CLDN10: variants seen among roughly 807,000 people sequenced by gnomAD.
CLDN10 encodes the protein claudin-10.
Under a neutral mutation model 22.9 loss-of-function variants are expected in CLDN10, and 15 were observed. That is an observed-to-expected ratio of 0.65 (90% confidence interval 0.44 to 1.01). The LOEUF (loss-of-function observed/expected upper bound fraction) is 1.01. CLDN10 is among the 50% of genes least tolerant of loss of function. The probability of loss-of-function intolerance (pLI) is 0.00; values close to 1 mark genes in which losing one functional copy is unlikely to be tolerated. For missense variants in CLDN10, 247 were observed against 287.8 expected (o/e 0.86, Z 1.03); for synonymous variants, 114 against 111.4 (o/e 1.02, Z -0.15).
intron 1 of CLDN10, among the ~76,000 whole-genome samples, chr13:95,475,887 A>G (rs78638546): frequency 0.028 from 4,180 of 151,188 alleles, 84 homozygotes; most frequent in Non-Finnish European, 0.041. Flanking sequence ...CTTGAGCACC[A>G]TGGCTCTGCT....
At chr13:95,569,546 T>C (rs2043828445) in intron 3 of CLDN10, among the ~76,000 whole-genome samples, 1 of 151,912 alleles carries the variant, frequency 6.6e-6, no homozygotes, top group Non-Finnish European at 1.5e-5. Flanking sequence ...ATCGCACCAC[T>C]GCACTCCAGC....
chr13:95,471,523 G>A (rs1199248967), intron 1 of CLDN10, among the ~76,000 whole-genome samples: 4 of 145,446 alleles, frequency 2.8e-5, no homozygotes, highest in South Asian at 2.2e-4. Flanking sequence ...TGTGATCTTC[G>A]CTCACTGCAA....
At chr13:95,441,052 G>A (rs544891506) in intron 1 of CLDN10, among the ~76,000 whole-genome samples, 2 of 152,270 alleles carry the variant, frequency 1.3e-5, no homozygotes, top group East Asian at 1.9e-4. Context: ...GGTCTCCCCC[G>A]TACCTACTGC....
chr13:95,443,000 T>C (rs545401072), intron 1 of CLDN10, among the ~76,000 whole-genome samples: 1 of 152,354 alleles, frequency 6.6e-6, no homozygotes, highest in East Asian at 1.9e-4. Flanking sequence ...TAAATGAATG[T>C]ATACAGTGTG....
intron 1 of CLDN10, among the ~76,000 whole-genome samples, chr13:95,471,453 A>ATATATATATATT (rs776857009): frequency 1.9e-4 from 20 of 106,392 alleles, no homozygotes; most frequent in Admixed American, 5.2e-4. Flanking sequence ...ATATATATAT[A>ATATATATATATT]TTTTTTTTTT....
At chr13:95,505,672 C>T (rs1444874541) in intron 1 of CLDN10, among the ~76,000 whole-genome samples, 2 of 150,772 alleles carry the variant, frequency 1.3e-5, no homozygotes, top group Admixed American at 1.3e-4. Flanking sequence ...CAGATGTTTA[C>T]AAAGTGAGGG....
exon 1 of CLDN10, chr13:95,433,998 G>A (rs767766614): frequency 4.3e-6 from 7 of 1,614,224 alleles, no homozygotes; most frequent in Non-Finnish European, 5.1e-6. Flanking sequence ...CAGGTAACGC[G>A]TTGGGTTCTT....
At chr13:95,536,741 C>T (rs953865243) in intron 1 of CLDN10, among the ~76,000 whole-genome samples, 2 of 152,178 alleles carry the variant, frequency 1.3e-5, no homozygotes, top group East Asian at 1.9e-4. Flanking sequence ...TGTTCTTTCT[C>T]GTCCTTTCCC....
intron 1 of CLDN10, among the ~76,000 whole-genome samples, chr13:95,440,428 C>A (rs370685609): frequency 6.6e-6 from 1 of 152,162 alleles, no homozygotes; most frequent in South Asian, 2.1e-4. Flanking sequence ...ATAGTCCCAG[C>A]ACTTGGGGAG....
chr13:95,491,310 G>T (rs1056951621), intron 1 of CLDN10, among the ~76,000 whole-genome samples: 1 of 151,554 alleles, frequency 6.6e-6, no homozygotes, highest in African/African-American at 2.4e-5. Context: ...TCTTAGGTTT[G>T]GTCATTTAAC....
In CLDN10 at chr13:95,578,151, T is replaced by C. The variant is rs2043963659; in HGVS notation, c.*137T>C. The stretch of plus-strand genomic sequence containing the variant: ...GCATTTGAAGCATCTGTTGATTGTA[T>C]GGATGTAAGTGTTCTTACATAGTTA... On this transcript the variant is annotated 3_prime_UTR_variant, in exon 5 of 5. Transcript: ENST00000299339. 2 of 561,070 alleles carry C rather than the reference T, an allele frequency of 3.6e-6. No individual in the cohort carries two copies. Among genetic ancestry groups the C allele is most frequent in the Non-Finnish European group, 6.4e-6 (2 of 313,808 alleles). The allele number at this position is 561,070 out of a possible 1,614,324, so 34.8% of individuals were successfully genotyped here.
chr13:95,446,199 C>T (rs562182467), intron 1 of CLDN10, among the ~76,000 whole-genome samples: 8 of 152,204 alleles, frequency 5.3e-5, no homozygotes, highest in South Asian at 4.2e-4. Flanking sequence ...CAGAGGAGGT[C>T]GAGGGGGTTC....
intron 1 of CLDN10, among the ~76,000 whole-genome samples, chr13:95,523,210 G>A (rs1203595225): frequency 6.6e-6 from 1 of 151,000 alleles, no homozygotes; most frequent in Admixed American, 6.6e-5. Flanking sequence ...TCTTTTACTA[G>A]TCTCTTAGTT....
intron 1 of CLDN10, among the ~76,000 whole-genome samples, chr13:95,530,507 C>T (rs943917958): frequency 6.6e-6 from 1 of 152,144 alleles, no homozygotes; most frequent in South Asian, 2.1e-4. Context: ...CACTCTTCGC[C>T]CTTCCCTGCC....
At chr13:95,464,226 T>A (rs1285952428) in intron 1 of CLDN10, among the ~76,000 whole-genome samples, 2 of 152,034 alleles carry the variant, frequency 1.3e-5, no homozygotes, top group South Asian at 4.2e-4. Flanking sequence ...TACATTAGGT[T>A]TATCTCCTAA....
intron 1 of CLDN10, among the ~76,000 whole-genome samples, chr13:95,545,554 A>T (rs896212116): frequency 6.6e-6 from 1 of 152,078 alleles, no homozygotes; most frequent in African/African-American, 2.4e-5. Flanking sequence ...TAAAAGAAAA[A>T]AAGTAGTCAC....
At chr13:95,543,251 TCCACCC>T (rs1284376490) in intron 1 of CLDN10, among the ~76,000 whole-genome samples, 2 of 151,886 alleles carry the variant, frequency 1.3e-5, no homozygotes, top group Non-Finnish European at 2.9e-5. Flanking sequence ...ATAAATAAAA[TCCACCC>T]TTTTGAGAAG....
intron 1 of CLDN10, among the ~76,000 whole-genome samples, chr13:95,492,834 A>C (rs2042888867): frequency 6.6e-6 from 1 of 152,158 alleles, no homozygotes; most frequent in African/African-American, 2.4e-5. Context: ...ACGAGCTCCC[A>C]GGACCTTTCT....
At chr13:95,539,764 C>T (rs1443879388) in intron 1 of CLDN10, among the ~76,000 whole-genome samples, 5 of 152,162 alleles carry the variant, frequency 3.3e-5, no homozygotes, top group Admixed American at 3.3e-4. Context: ...ATTTTCAGCT[C>T]CCATAGTTAT....
Sources: allele counts gnomAD v4.1 joint callset (sites outside exome capture counted in the v4.1 genomes callset), GRCh38; gene constraint gnomAD v4.1.1; transcripts MANE v1.5; gene names NCBI Gene and HGNC (gene_info 2026-07-23, HGNC 2026-07-21).